METTL21A: variants seen among roughly 807,000 people sequenced by gnomAD.
The protein encoded by METTL21A is methyltransferase 21A, HSPA lysine, also known as protein N-lysine methyltransferase METTL21A.
A neutral mutation model predicts 20.9 loss-of-function variants in METTL21A; 22 were observed. The observed-to-expected ratio is 1.05, with a 90% CI of 0.75 to 1.50. The LOEUF is 1.50. Ranked by LOEUF, METTL21A falls within the 40% of genes most tolerant of loss-of-function variation. The probability of loss-of-function intolerance (pLI) is 0.00; values close to 1 mark genes in which losing one functional copy is unlikely to be tolerated. For missense variants in METTL21A, 271 were observed against 266.8 expected (o/e 1.02, Z -0.11); for synonymous variants, 93 against 102.0 (o/e 0.91, Z 0.53).
downstream of METTL21A, among the ~76,000 whole-genome samples, chr2:207,604,392 C>G (rs1429742295): frequency 6.6e-6 from 1 of 152,178 alleles, no homozygotes; most frequent in South Asian, 2.1e-4. Flanking sequence ...TAAGTGGTGC[C>G]ACTATCCATC....
At position 207,582,050 on chromosome 2, in the gene METTL21A, A is replaced by T. The variant is rs148587766; in HGVS notation, c.*97T>A. On this transcript the variant is annotated 3_prime_UTR_variant, in exon 4 of 4. Transcript: ENST00000425132. ...CGGGAGCACATACATAATTGGCGAT[A>T]TTAACTTTGATCACTTGGTTAAAGT... The T allele has an allele frequency of 4.4e-4, 311 of 700,590 alleles. 1 individual carries two copies. The African/African-American group carries it at 4.7e-3, about 11-fold the overall frequency. 43.4% of individuals were successfully genotyped at this position (700,590 alleles called of 1,614,324 possible).
At position 207,618,837 on chromosome 2, in the gene METTL21A, A is replaced by G. The variant is rs150105920; in HGVS notation, c.259+2969T>C. 2.1e-3 allele frequency among the ~76,000 whole-genome samples: 322 copies of G among 152,294 alleles called. 1 individual carries two copies. The highest frequency in any genetic ancestry group is 7.3e-3 in the African/African-American group (305 of 41,568). ...TGGGTAACTGAAGCCAGGGAAAGTG[A>G]TCACAGGTGAGGGGGGACTGCTACA... is the stretch of plus-strand genomic sequence containing the variant. On this transcript the variant is annotated intron_variant, in intron 3 of 3. Coordinates refer to ENST00000406927, the Ensembl canonical transcript of METTL21A.
At chr2:207,586,881 G>A (rs984790578) in intron 3 of METTL21A, among the ~76,000 whole-genome samples, 3 of 152,166 alleles carry the variant, frequency 2.0e-5, no homozygotes, top group Admixed American at 2.0e-4. Flanking sequence ...AAGACAAGAA[G>A]TAACAAACTG....
At chr2:207,624,351 TCTC>T (rs764328321) in exon 2 of METTL21A, 12 of 1,613,614 alleles carry the variant, frequency 7.4e-6, no homozygotes, top group African/African-American at 6.7e-5. Context: ...AATTCCGTGG[TCTC>T]CTCATAGGGC....
chr2:207,619,042 C>T (rs2090149054), intron 3 of METTL21A, among the ~76,000 whole-genome samples: 2 of 152,110 alleles, frequency 1.3e-5, no homozygotes, highest in Non-Finnish European at 2.9e-5. Flanking sequence ...GGCCTACTTA[C>T]CATGCAGGGT....
intron 3 of METTL21A, chr2:207,600,254 T>TAA (rs1382387251): frequency 1.2e-5 from 2 of 163,542 alleles, no homozygotes; most frequent in Non-Finnish European, 2.6e-5. Flanking sequence ...TATATATATA[T>TAA]ATATATATAC....
intron 3 of METTL21A, among the ~76,000 whole-genome samples, chr2:207,595,632 C>T (rs2085995969): frequency 6.6e-6 from 1 of 151,928 alleles, no homozygotes; most frequent in Non-Finnish European, 1.5e-5. Flanking sequence ...GGCAGGATCA[C>T]GGCTCACTGC....
intron 3 of METTL21A, among the ~76,000 whole-genome samples, chr2:207,588,581 TTG>T (rs367799491): frequency 1.4e-3 from 213 of 152,296 alleles, no homozygotes; most frequent in Non-Finnish European, 2.6e-3. Context: ...TTAGTTAGGA[TTG>T]TGTTGTGTCT....
exon 2 of METTL21A, chr2:207,624,304 A>G (rs1243412803): frequency 6.2e-7 from 1 of 1,613,984 alleles, no homozygotes; most frequent in Non-Finnish European, 8.5e-7. Context: ...TTGCAAAGGA[A>G]AAAGTTGCAA....
At chr2:207,581,994 G>A in exon 4 of METTL21A, 1 of 700,582 alleles carries the variant, frequency 1.4e-6, no homozygotes, top group Non-Finnish European at 2.6e-6. Context: ...TTCCACAGAG[G>A]TATAGTGTGC....
chr2:207,603,473 G>A, intron 3 of METTL21A: 1 of 225,226 alleles, frequency 4.4e-6, no homozygotes, highest in African/African-American at 2.2e-5. Flanking sequence ...ATATTTTGTT[G>A]GGTTTTTTTT....
chr2:207,585,453 C>G (rs1408950334), intron 3 of METTL21A, among the ~76,000 whole-genome samples: 1 of 152,166 alleles, frequency 6.6e-6, no homozygotes, highest in East Asian at 1.9e-4. Context: ...TCTACAAAAG[C>G]CAGTCCATAA....
At chr2:207,594,721 T>C (rs765714100) in intron 3 of METTL21A, among the ~76,000 whole-genome samples, 4 of 152,200 alleles carry the variant, frequency 2.6e-5, no homozygotes, top group Non-Finnish European at 5.9e-5. Context: ...TTCAGTTCTT[T>C]TGGATCTGTA....
chr2:207,592,911 C>CAAAAAAGAAAAAAAAAAAAGAA lies in METTL21A; in HGVS notation c.260-10752_260-10751insTTCTTTTTTTTTTTTCTTTTTT, dbSNP rs146008919. Among the ~76,000 whole-genome samples the CAAAAAAGAAAAAAAAAAAAGAA allele has an allele frequency of 3.0e-3, 429 of 145,172 alleles. 1 individual carries two copies. The highest frequency in any genetic ancestry group is 9.1e-3 in the African/African-American group (359 of 39,270). ...CTGGCGACAGAGCAAGACTCCATCT[C>CAAAAAAGAAAAAAAAAAAAGAA]AAAAAAGAAAAGAAAATTCTCAGAT... On this transcript the variant is annotated intron_variant, in intron 3 of 3. Coordinates refer to the METTL21A transcript ENST00000425132.
chr2:207,624,272 T>G, exon 2 of METTL21A: 7 of 1,613,492 alleles, frequency 4.3e-6, no homozygotes, highest in Non-Finnish European at 5.9e-6. Context: ...TCTCCAGTCC[T>G]GCCGGATCTG....
At chr2:207,607,050 G>A (rs1183324812), downstream of METTL21A, among the ~76,000 whole-genome samples, 1 of 152,104 alleles carries the variant, frequency 6.6e-6, no homozygotes, top group Non-Finnish European at 1.5e-5. Context: ...TCATGAGTCA[G>A]TGTGAACTCC....
At chr2:207,582,313 T>G (rs768700427) in intron 3 of METTL21A, among the ~76,000 whole-genome samples, 6 of 152,244 alleles carry the variant, frequency 3.9e-5, no homozygotes, top group Non-Finnish European at 7.3e-5. Context: ...TCAGTAAATC[T>G]TGTCTACAGT....
intron 2 of METTL21A, among the ~76,000 whole-genome samples, chr2:207,622,747 G>A (rs1201269452): frequency 2.0e-5 from 3 of 152,204 alleles, no homozygotes; most frequent in Non-Finnish European, 2.9e-5. Context: ...GATACTTGAT[G>A]TGTGGTTTCA....
At chr2:207,587,025 G>A (rs1033769512) in intron 3 of METTL21A, among the ~76,000 whole-genome samples, 3 of 152,160 alleles carry the variant, frequency 2.0e-5, no homozygotes, top group Non-Finnish European at 4.4e-5. Context: ...AACTCTTTGT[G>A]TTAGAATTGT....
Sources: gnomAD v4.1 joint callset for allele counts (sites outside exome capture counted in the v4.1 genomes callset) on GRCh38, gnomAD v4.1.1 for gene constraint, MANE v1.5 for transcripts, NCBI Gene and HGNC (gene_info 2026-07-23, HGNC 2026-07-21) for gene names.